The following SLCO5A1 variants were observed in gnomAD, a reference collection of about 807,000 sequenced individuals.
SLCO5A1 encodes the protein solute carrier organic anion transporter family member 5A1, also known as organic anion transporter polypeptide-related protein 4.
A neutral mutation model predicts 65.1 loss-of-function variants in SLCO5A1; 39 were observed. The ratio of observed to expected loss-of-function variants is 0.60; its 90% CI spans 0.46 to 0.78. SLCO5A1 has a LOEUF of 0.78. Among genes scored for constraint, SLCO5A1 ranks in the 30% least tolerant of loss-of-function variants. SLCO5A1 has a pLI of 0.00. For synonymous variants in SLCO5A1, 438 were observed against 415.7 expected (o/e 1.05, Z -0.65); for missense variants, 1,029 against 1,069.4 (o/e 0.96, Z 0.53).
chr8:69,787,077 G>A (rs1172067823), intron 2 of SLCO5A1, among the ~76,000 whole-genome samples: 1 of 152,192 alleles, frequency 6.6e-6, no homozygotes, highest in Non-Finnish European at 1.5e-5. Context: ...CATGAATGCA[G>A]CCAGAGTCTC....
intron 4 of SLCO5A1, among the ~76,000 whole-genome samples, chr8:69,740,281 AC>A (rs890587172): frequency 6.6e-6 from 1 of 152,168 alleles, no homozygotes; most frequent in African/African-American, 2.4e-5. Context: ...ACAGGGTTGT[AC>A]CTTTGGTTGG....
chr8:69,708,655 G>C (rs1360669721), intron 5 of SLCO5A1, among the ~76,000 whole-genome samples: 1 of 152,032 alleles, frequency 6.6e-6, no homozygotes, highest in Non-Finnish European at 1.5e-5. Flanking sequence ...TGTAATCCCA[G>C]CACTTTGGGA....
chr8:69,695,232 C>T (rs1814445092), intron 6 of SLCO5A1, among the ~76,000 whole-genome samples: 1 of 152,178 alleles, frequency 6.6e-6, no homozygotes, highest in Non-Finnish European at 1.5e-5. Context: ...TCGTGGCTCA[C>T]ATCTGTAATC....
Position 69,705,050 on chromosome 8 carries a change from T to A in SLCO5A1, c.1603A>T (p.Asn535Tyr). 6.2e-7 allele frequency: 1 copy of A among 1,612,832 alleles called. No homozygotes were observed. Among genetic ancestry groups the A allele is most frequent in the Non-Finnish European group, 8.5e-7 (1 of 1,179,998 alleles). The change falls in exon 6 of 10, where the codon AAC (asparagine) becomes TAC (tyrosine). Residue 535 changes from asparagine (N) to tyrosine (Y), a missense_variant. Transcript: ENST00000260126. The part of the protein sequence containing the change: ...GCESINLGGI[N>Y]IPYTTGPSLT... Reference sequence around the variant, plus strand: ...ACTTACCCTGTTGTATAAGGGATGTTTATGCCCCCTAGATTAATGCTTTCA... The same window carrying A: ...ACTTACCCTGTTGTATAAGGGATGTATATGCCCCCTAGATTAATGCTTTCA...
chr8:69,806,438 G>A (rs1320215772), intron 2 of SLCO5A1, among the ~76,000 whole-genome samples: 1 of 152,162 alleles, frequency 6.6e-6, no homozygotes, highest in Non-Finnish European at 1.5e-5. Flanking sequence ...TTAACACAGA[G>A]CATGTGTATA....
chr8:69,762,337 C>T (rs1334029833), intron 2 of SLCO5A1, among the ~76,000 whole-genome samples: 1 of 152,036 alleles, frequency 6.6e-6, no homozygotes, highest in Non-Finnish European at 1.5e-5. Flanking sequence ...CAGGCGCCCG[C>T]CACCACACCC....
intron 2 of SLCO5A1, among the ~76,000 whole-genome samples, chr8:69,806,010 TA>T (rs1340703410): frequency 6.6e-5 from 10 of 152,220 alleles, no homozygotes; most frequent in African/African-American, 2.2e-4. Context: ...TGGATGCTTT[TA>T]AAAAATGCAG....
Position 69,710,707 on chromosome 8 carries a change from A to G in SLCO5A1, c.1424-5478T>C, listed in dbSNP as rs567774659. Among the ~76,000 whole-genome samples, 5 of 152,344 alleles carry G rather than the reference A, an allele frequency of 3.3e-5. No homozygotes were observed. In the South Asian group the frequency reaches 8.3e-4, roughly 25 times the overall value. On this transcript the variant is annotated intron_variant, in intron 5 of 9. Coordinates refer to ENST00000260126, the MANE Select transcript of SLCO5A1 (RefSeq NM_030958.3). ...GCTGGTAGCTGAGTCATAATTAAAC[A>G]GCAGCATAATTTATTTGATTATGCA... is the stretch of plus-strand genomic sequence containing the variant.
intron 2 of SLCO5A1, among the ~76,000 whole-genome samples, chr8:69,800,625 A>G (rs1819691521): frequency 6.6e-6 from 1 of 152,204 alleles, no homozygotes; most frequent in Non-Finnish European, 1.5e-5. Flanking sequence ...TATTGAATCC[A>G]GTAGTCAGCA....
chr8:69,717,404 C>T (rs1336448405), intron 5 of SLCO5A1, among the ~76,000 whole-genome samples: 1 of 152,172 alleles, frequency 6.6e-6, no homozygotes, highest in Non-Finnish European at 1.5e-5. Flanking sequence ...AATCAGTTGA[C>T]AATAAATATA....
At chr8:69,757,364 A>T (rs2130860453) in intron 3 of SLCO5A1, among the ~76,000 whole-genome samples, 1 of 152,262 alleles carries the variant, frequency 6.6e-6, no homozygotes. Flanking sequence ...TTTTAATTTT[A>T]AAAATGTCAG....
At chr8:69,817,101 A>T (rs1820442344) in intron 2 of SLCO5A1, among the ~76,000 whole-genome samples, 1 of 152,198 alleles carries the variant, frequency 6.6e-6, no homozygotes, top group African/African-American at 2.4e-5. Flanking sequence ...GATCTCTCAG[A>T]ACTTTTGCTA....
chr8:69,804,904 C>A (rs7833221), intron 2 of SLCO5A1, among the ~76,000 whole-genome samples: 37,930 of 152,002 alleles, frequency 0.25, 4,910 homozygotes, highest in South Asian at 0.34. Flanking sequence ...CCAGAGAAAC[C>A]TTGACACTTC....
intron 2 of SLCO5A1, among the ~76,000 whole-genome samples, chr8:69,788,657 C>A (rs1368139126): frequency 1.3e-5 from 2 of 152,088 alleles, no homozygotes; most frequent in Non-Finnish European, 2.9e-5. Context: ...CTCTAACAAC[C>A]TTGGTATAAA....
chr8:69,724,474 T>A (rs965993280), intron 5 of SLCO5A1, among the ~76,000 whole-genome samples: 3 of 152,182 alleles, frequency 2.0e-5, no homozygotes, highest in African/African-American at 7.2e-5. Flanking sequence ...TTGAAAAAAT[T>A]AACTATTAGC....
chr8:69,819,378 T>C (rs1237439458), intron 2 of SLCO5A1, among the ~76,000 whole-genome samples: 3 of 150,954 alleles, frequency 2.0e-5, no homozygotes, highest in African/African-American at 7.3e-5. Flanking sequence ...GCACACTGCT[T>C]GGGTCCAGCA....
At chr8:69,745,844 ATACT>A (rs1263263113) in intron 4 of SLCO5A1, among the ~76,000 whole-genome samples, 3 of 152,350 alleles carry the variant, frequency 2.0e-5, no homozygotes, top group Admixed American at 2.0e-4. Context: ...CAAAATATAA[ATACT>A]TTCTTACTAT....
chr8:69,720,023 G>T (rs1815743812), intron 5 of SLCO5A1, among the ~76,000 whole-genome samples: 1 of 152,164 alleles, frequency 6.6e-6, no homozygotes, highest in South Asian at 2.1e-4. Context: ...AGATGACATG[G>T]TTCCTGTGTG....
chr8:69,764,986 A>G (rs2130867434), intron 2 of SLCO5A1, among the ~76,000 whole-genome samples: 1 of 152,356 alleles, frequency 6.6e-6, no homozygotes, highest in East Asian at 1.9e-4. Context: ...AATTCATTAA[A>G]TAGCATTCAC....
Sources: allele counts gnomAD v4.1 joint callset (sites outside exome capture counted in the v4.1 genomes callset), GRCh38; gene constraint gnomAD v4.1.1; transcripts MANE v1.5; gene names NCBI Gene and HGNC (gene_info 2026-07-23, HGNC 2026-07-21).